Variants in DCUN1D1 observed in about 807,000 individuals in gnomAD.
DCUN1D1 encodes the protein defective in cullin neddylation 1 domain containing 1.
A neutral mutation model predicts 39.0 loss-of-function variants in DCUN1D1; 3 were observed. That is an observed-to-expected ratio of 0.08 (90% confidence interval 0.04 to 0.20). The LOEUF (loss-of-function observed/expected upper bound fraction) is 0.20. DCUN1D1 is among the 10% of genes least tolerant of loss of function. The pLI is 1.00. For missense variants in DCUN1D1, 158 were observed against 302.4 expected, an observed-to-expected ratio of 0.52 and a Z score of 3.54; for synonymous variants, 82 against 96.3, an observed-to-expected ratio of 0.85 and a Z score of 0.87.
chr3:182,964,048 G>A lies in DCUN1D1; in HGVS notation c.222C>T (p.Asp74=), dbSNP rs1339536502. The change falls in exon 3 of 7, where the codon GAC becomes GAT. Residue 74 remains aspartate (D), a splice_region_variant and synonymous_variant. Coordinates refer to ENST00000292782, the MANE Select transcript of DCUN1D1 (RefSeq NM_020640.4). ...KLEQLYNRYK[D]PQDENKIGID... ...TTCCAATTTTATTCTCATCTTGAGG[G>A]TCTTTAAAAATAACAATGCAATATT... The A allele has an allele frequency of 1.9e-6, 3 of 1,608,056 alleles. No homozygotes were observed. The highest frequency in any genetic ancestry group is 2.2e-5 in the East Asian group (1 of 44,806).
intron 1 of DCUN1D1, among the ~76,000 whole-genome samples, chr3:182,974,638 G>C (rs1388525370): frequency 1.3e-5 from 2 of 151,832 alleles, no homozygotes; most frequent in African/African-American, 4.8e-5. Context: ...AAATCAGGAA[G>C]TATTAGAATC....
chr3:182,984,911 G>C (rs1178355306), upstream of DCUN1D1, among the ~76,000 whole-genome samples: 1 of 152,122 alleles, frequency 6.6e-6, no homozygotes, highest in Non-Finnish European at 1.5e-5. Context: ...CACAGACACA[G>C]TTCAAAGCCA....
chr3:182,945,776 C>T (rs1438599729), intron 6 of DCUN1D1, among the ~76,000 whole-genome samples: 2 of 152,200 alleles, frequency 1.3e-5, no homozygotes, highest in African/African-American at 4.8e-5. Context: ...TAATACGTTA[C>T]TAAAAGGTGT....
chr3:182,977,752 T>C (rs891097813), intron 1 of DCUN1D1, among the ~76,000 whole-genome samples: 1 of 151,888 alleles, frequency 6.6e-6, no homozygotes, highest in African/African-American at 2.4e-5. Context: ...TTTAAAAATA[T>C]GTTTCAGGCT....
At chr3:182,972,766 C>T (rs1326426949) in intron 1 of DCUN1D1, among the ~76,000 whole-genome samples, 55 of 152,244 alleles carry the variant, frequency 3.6e-4, no homozygotes, top group East Asian at 1.9e-4. Context: ...AGAGGCTGGG[C>T]GCAGTGGCTC....
At chr3:182,961,763 T>C (rs1033056519) in intron 3 of DCUN1D1, among the ~76,000 whole-genome samples, 1 of 152,202 alleles carries the variant, frequency 6.6e-6, no homozygotes, top group African/African-American at 2.4e-5. Context: ...ACTAAAAGTA[T>C]GGTCTCTTGC....
chr3:182,976,139 C>G (rs1033728761), intron 1 of DCUN1D1, among the ~76,000 whole-genome samples: 1 of 152,060 alleles, frequency 6.6e-6, no homozygotes, highest in African/African-American at 2.4e-5. Context: ...GAACATTAGA[C>G]AGTCATCTTA....
chr3:182,970,881 A>G (rs1328381563), intron 1 of DCUN1D1, among the ~76,000 whole-genome samples: 1 of 152,232 alleles, frequency 6.6e-6, no homozygotes, highest in East Asian at 1.9e-4. Context: ...AATAGACTAC[A>G]GGTCCGAAGT....
At chr3:182,954,763 A>G (rs1457782982) in intron 4 of DCUN1D1, among the ~76,000 whole-genome samples, 1 of 152,192 alleles carries the variant, frequency 6.6e-6, no homozygotes, top group Non-Finnish European at 1.5e-5. Context: ...CATTTACTTG[A>G]GATCATTTAC....
upstream of DCUN1D1, chr3:182,980,574 T>A: frequency 2.6e-6 from 3 of 1,161,494 alleles, no homozygotes; most frequent in Non-Finnish European, 3.2e-6. Context: ...TCTCACGGGC[T>A]TGCCCGGCTC....
chr3:182,963,473 A>G (rs1336833682), intron 3 of DCUN1D1, among the ~76,000 whole-genome samples: 1 of 152,202 alleles, frequency 6.6e-6, no homozygotes, highest in Non-Finnish European at 1.5e-5. Flanking sequence ...TCAGCTAATC[A>G]GCTGTCAAAG....
At chr3:182,973,051 A>AGG (rs138861832) in intron 1 of DCUN1D1, among the ~76,000 whole-genome samples, 130 of 151,526 alleles carry the variant, frequency 8.6e-4, no homozygotes, top group African/African-American at 2.9e-3. Context: ...TCAAAAAAAA[A>AGG]GGGGGGGGCT....
chr3:182,980,649 G>T (rs1191939206), upstream of DCUN1D1: 5 of 949,364 alleles, frequency 5.3e-6, no homozygotes, highest in African/African-American at 7.1e-5. Flanking sequence ...CCTCGGGGAG[G>T]CGGAGGGACG....
upstream of DCUN1D1, among the ~76,000 whole-genome samples, chr3:182,981,202 A>G (rs1168664402): frequency 6.6e-6 from 1 of 152,018 alleles, no homozygotes; most frequent in East Asian, 1.9e-4. Flanking sequence ...GGGTAACCCT[A>G]TAGTGAGATG....
At chr3:182,971,925 T>G (rs577611893) in intron 1 of DCUN1D1, among the ~76,000 whole-genome samples, 1 of 152,262 alleles carries the variant, frequency 6.6e-6, no homozygotes, top group Admixed American at 6.5e-5. Flanking sequence ...GCAATATTTC[T>G]TCACCTATTT....
intron 1 of DCUN1D1, among the ~76,000 whole-genome samples, chr3:182,974,706 G>T (rs190874825): frequency 1.1e-4 from 16 of 151,622 alleles, no homozygotes; most frequent in Non-Finnish European, 2.2e-4. Context: ...AAGGGAATGG[G>T]CTGTGTACTT....
chr3:182,956,782 A>C (rs1466705784), intron 4 of DCUN1D1, among the ~76,000 whole-genome samples: 1 of 152,252 alleles, frequency 6.6e-6, no homozygotes, highest in Non-Finnish European at 1.5e-5. Context: ...TGGCCCTAAA[A>C]ATGATATGGC....
chr3:182,971,814 G>T (rs1051370521), intron 1 of DCUN1D1, among the ~76,000 whole-genome samples: 2 of 152,068 alleles, frequency 1.3e-5, no homozygotes, highest in Non-Finnish European at 2.9e-5. Flanking sequence ...TGGTTTCAAG[G>T]CATGCAGTCT....
intron 4 of DCUN1D1, among the ~76,000 whole-genome samples, chr3:182,955,117 T>C (rs994215201): frequency 5.3e-5 from 8 of 152,020 alleles, no homozygotes; most frequent in African/African-American, 1.9e-4. Context: ...CTCGGCTCAC[T>C]GCAACCTCTG....
Sources: allele counts gnomAD v4.1 joint callset (sites outside exome capture counted in the v4.1 genomes callset), GRCh38; gene constraint gnomAD v4.1.1; transcripts MANE v1.5; gene names NCBI Gene and HGNC (gene_info 2026-07-23, HGNC 2026-07-21).